ANO4: variants seen among roughly 807,000 people sequenced by gnomAD.
ANO4 encodes anoctamin 4.
Under a neutral mutation model 141.9 loss-of-function variants are expected in ANO4, and 69 were observed. The ratio of observed to expected loss-of-function variants is 0.49; its 90% confidence interval spans 0.40 to 0.59. The LOEUF is 0.59. ANO4 is among the 20% of genes least tolerant of loss of function. The pLI, the probability that ANO4 is intolerant of heterozygous loss-of-function variation, is 0.00. For missense variants in ANO4, 894 were observed against 1,162.2 expected (o/e 0.77, Z 3.36); for synonymous variants, 350 against 394.3 (o/e 0.89, Z 1.33).
At chr12:100,843,611 AGAC>A (rs1315423562) in intron 1 of ANO4, among the ~76,000 whole-genome samples, 1 of 152,228 alleles carries the variant, frequency 6.6e-6, no homozygotes, top group Non-Finnish European at 1.5e-5. Context: ...GAAGACAGGT[AGAC>A]GACGACATGA....
At chr12:100,731,423 TC>T (rs2031376198) in intron 1 of ANO4, among the ~76,000 whole-genome samples, 1 of 152,166 alleles carries the variant, frequency 6.6e-6, no homozygotes, top group Non-Finnish European at 1.5e-5. Flanking sequence ...TCCCAAACCC[TC>T]CTGTCCCCAC....
chr12:100,857,079 A>T lies in ANO4; in HGVS notation c.-140-44567A>T, dbSNP rs560722077. Among the ~76,000 whole-genome samples, 79 of 152,228 alleles carry T rather than the reference A, an allele frequency of 5.2e-4. 1 individual carries two copies. Among genetic ancestry groups the T allele is most frequent in the Middle Eastern group, 3.4e-3 (1 of 294 alleles). The stretch of plus-strand genomic sequence containing the variant: ...GCCATGCAGTGTGGTGTCATGTGGC[A>T]GTGGAAAAACCATCATGGGGCGTAT... On this transcript the variant is annotated intron_variant, in intron 1 of 27. Transcript: ENST00000392977.
At chr12:100,847,282 C>T (rs1565931561) in intron 1 of ANO4, among the ~76,000 whole-genome samples, 1 of 152,032 alleles carries the variant, frequency 6.6e-6, no homozygotes, top group African/African-American at 2.4e-5. Context: ...TGGAAGGAAA[C>T]GCTGTGCAGA....
intron 1 of ANO4, among the ~76,000 whole-genome samples, chr12:100,852,754 T>C (rs2037945254): frequency 6.6e-6 from 1 of 152,134 alleles, no homozygotes; most frequent in Non-Finnish European, 1.5e-5. Context: ...AAAATGGATA[T>C]AGATGAGTCT....
intron 1 of ANO4, among the ~76,000 whole-genome samples, chr12:100,719,735 G>C (rs1261631811): frequency 6.6e-6 from 1 of 152,180 alleles, no homozygotes; most frequent in Non-Finnish European, 1.5e-5. Flanking sequence ...CATTTCATTA[G>C]CAGCAGCCTC....
At position 101,094,258 on chromosome 12, in the gene ANO4, CTA is replaced by C. The variant is rs764703562; in HGVS notation, c.1706_1707del (p.Tyr569Ter). The C allele has an allele frequency of 6.2e-7, 1 of 1,610,388 alleles. No individual in the cohort carries two copies. On this transcript the variant is annotated frameshift_variant, in exon 18 of 28. Coordinates refer to ENST00000392977, the MANE Select transcript of ANO4 (RefSeq NM_001286615.2). LOFTEE classifies it high-confidence loss of function. ...AATGCATGAAATTTATTTTACAGCT[CTA>C]TGAAAAAGTTGCCCTGCTTCTGACG... is the stretch of plus-strand genomic sequence containing the variant. The part of the protein sequence containing the change: ...FCIIMLLNVL[Y>X]EKVALLLTNL...
At chr12:100,841,931 A>G (rs1237881677) in intron 1 of ANO4, among the ~76,000 whole-genome samples, 1 of 151,918 alleles carries the variant, frequency 6.6e-6, no homozygotes, top group East Asian at 1.9e-4. Context: ...AGAGAGGTAC[A>G]TTGCCTCTTT....
chr12:100,960,760 G>A (rs550605989), intron 5 of ANO4, among the ~76,000 whole-genome samples: 1 of 152,156 alleles, frequency 6.6e-6, no homozygotes, highest in Non-Finnish European at 1.5e-5. Context: ...CGATTCATGG[G>A]TTACTGATTG....
chr12:101,106,937 A>G (rs770421785), intron 22 of ANO4, among the ~76,000 whole-genome samples: 3 of 151,736 alleles, frequency 2.0e-5, no homozygotes, highest in Non-Finnish European at 4.4e-5. Context: ...TTCAAGACCA[A>G]TATCATGTGG....
chr12:100,717,666 G>A (rs112839594), intron 1 of ANO4: 2 of 396,340 alleles, frequency 5.0e-6, no homozygotes, highest in East Asian at 7.2e-5. Flanking sequence ...TGGAAGGGAG[G>A]GAGACGGCGG....
At chr12:101,019,747 C>G (rs2046448765) in intron 8 of ANO4, among the ~76,000 whole-genome samples, 2 of 152,146 alleles carry the variant, frequency 1.3e-5, no homozygotes, top group African/African-American at 4.8e-5. Flanking sequence ...TGAGAAAAAA[C>G]AAGATACAAG....
At chr12:100,765,613 C>T (rs542718007) in intron 3 of ANO4, among the ~76,000 whole-genome samples, 2 of 150,332 alleles carry the variant, frequency 1.3e-5, no homozygotes, top group South Asian at 2.1e-4. Flanking sequence ...TGGGCTCAAG[C>T]GATCTTTCCG....
intron 1 of ANO4, among the ~76,000 whole-genome samples, chr12:100,898,460 A>T (rs568146589): frequency 2.0e-5 from 3 of 152,356 alleles, no homozygotes; most frequent in Non-Finnish European, 4.4e-5. Context: ...GAGGAAGAAC[A>T]TGGATTTTTC....
chr12:100,883,323 C>T (rs1024866406), intron 1 of ANO4, among the ~76,000 whole-genome samples: 1 of 152,184 alleles, frequency 6.6e-6, no homozygotes, highest in Non-Finnish European at 1.5e-5. Context: ...ATATTTTCAG[C>T]CTTAAGGGCC....
chr12:100,785,215 G>C lies in ANO4; in HGVS notation c.358+45110G>C, dbSNP rs1399453. ...CATCCCCCACAAGGTTAGTATATTTGTTACAACCAATGAACTTACATGGAC... is the reference window on the plus strand; with the variant it reads ...CATCCCCCACAAGGTTAGTATATTTCTTACAACCAATGAACTTACATGGAC... On this transcript the variant is annotated intron_variant, in intron 3 of 29. Transcript: ENST00000644049. Among the ~76,000 whole-genome samples the C allele has an allele frequency of 4.9e-3, 749 of 152,182 alleles. 22 individuals carry two copies. In the East Asian group the frequency reaches 0.069, roughly 14 times the overall value.
chr12:100,916,941 T>C (rs985607512), intron 2 of ANO4, among the ~76,000 whole-genome samples: 1 of 150,714 alleles, frequency 6.6e-6, no homozygotes, highest in Non-Finnish European at 1.5e-5. Flanking sequence ...TGCGATTGCA[T>C]CATTGAACTC....
intron 1 of ANO4, among the ~76,000 whole-genome samples, chr12:100,730,047 C>G (rs901882970): frequency 3.3e-5 from 5 of 152,176 alleles, no homozygotes; most frequent in African/African-American, 1.2e-4. Context: ...CTCTCTCTCT[C>G]TCTCTGATTG....
chr12:101,068,350 A>AGAAGGTAAAGGG (rs1478009787), intron 14 of ANO4: 21 of 1,117,246 alleles, frequency 1.9e-5, no homozygotes, highest in Non-Finnish European at 2.7e-5. Flanking sequence ...AGAAACTGGG[A>AGAAGGTAAAGGG]GAAGGTAAAG....
At chr12:100,740,604 C>T (rs2031820634) in intron 3 of ANO4, among the ~76,000 whole-genome samples, 1 of 152,176 alleles carries the variant, frequency 6.6e-6, no homozygotes, top group South Asian at 2.1e-4. Context: ...ATCAAAAAGT[C>T]ATCTTTGAAT....
Sources: allele counts gnomAD v4.1 joint callset (sites outside exome capture counted in the v4.1 genomes callset), GRCh38; gene constraint gnomAD v4.1.1; transcripts MANE v1.5; gene names NCBI Gene and HGNC (gene_info 2026-07-23, HGNC 2026-07-21).